NIN: variants seen among roughly 807,000 people sequenced by gnomAD.
NIN encodes the protein glycogen synthase kinase 3 beta-interacting protein.
A neutral mutation model predicts 257.6 loss-of-function variants in NIN; 137 were observed. That is an observed-to-expected ratio of 0.53 (90% CI 0.46 to 0.61). NIN has a LOEUF of 0.61. Ranked by LOEUF, NIN falls within the 20% of genes least tolerant of loss-of-function variation. NIN has a pLI of 0.00. For missense variants in NIN, 2,439 were observed against 2,501.2 expected (o/e 0.98, Z 0.53); for synonymous variants, 918 against 919.8 (o/e 1.00, Z 0.04).
Position 50,748,073 on chromosome 14 carries a change from C to A in NIN, c.4983G>T (p.Glu1661Asp). 1 of 1,613,758 alleles carries A rather than the reference C, an allele frequency of 6.2e-7. No individual in the cohort carries two copies. Among genetic ancestry groups the A allele is most frequent in the South Asian group, 1.1e-5 (1 of 91,066 alleles). Residue 1661 changes from glutamate (E) to aspartate (D), a missense_variant, in exon 22 of 31, where the codon GAG becomes GAT. Physicochemically the swap from Glu to Asp is conservative, Grantham distance 45 (BLOSUM62 2). Coordinates refer to ENST00000530997, the MANE Select transcript of NIN (RefSeq NM_020921.4). ...GGGTCTGTATTTTAACTTCAGAGAG[C>A]TCCGCCTCCAGAGAAGACACTAAAG... ...SSTLVSSLEA[E>D]LSEVKIQTHI...
At chr14:50,739,557 C>A in intron 25 of NIN, 70 bp from the exon 26 acceptor site, 5 of 1,440,220 alleles carry the variant, frequency 3.5e-6, no homozygotes, top group Non-Finnish European at 2.9e-6. Context: ...AGACAGGTGT[C>A]ATGTTTACCC....
chr14:50,754,951 A>G, intron 18 of NIN, 84 bp from the exon 19 acceptor site: 2 of 921,928 alleles, frequency 2.2e-6, no homozygotes, highest in Non-Finnish European at 3.3e-6. Context: ...TTCCAAAAGG[A>G]TGAGTATTCA....
intron 16 of NIN, 80 bp from the exon 17 acceptor site, chr14:50,760,439 T>G: frequency 9.1e-6 from 2 of 220,694 alleles, no homozygotes; most frequent in Non-Finnish European, 1.3e-5. Context: ...AGCAATTGCT[T>G]TTTTTTTTTT....
Position 50,759,977 on chromosome 14 carries a change from T to C in NIN, c.2279A>G (p.Gln760Arg), listed in dbSNP as rs567029521. ...WTEEKVRGLT[Q>R]ELEQFHQEQL... ...CTCCTGGTGAAACTGCTCTAGTTCCTGAGTCAAGCCTCTCACCTTCTCTTC... is the reference window on the plus strand; with the variant it reads ...CTCCTGGTGAAACTGCTCTAGTTCCCGAGTCAAGCCTCTCACCTTCTCTTC... The change falls in exon 17 of 31, where the codon CAG becomes CGG. Residue 760 changes from glutamine (Q) to arginine (R), a missense_variant. Transcript: ENST00000530997. The C allele has an allele frequency of 1.9e-6, 3 of 1,614,262 alleles. No individual in the cohort carries two copies. In the South Asian group the frequency reaches 3.3e-5, roughly 18 times the overall value.
chr14:50,798,479 G>A (rs1277558163), intron 4 of NIN, among the ~76,000 whole-genome samples: 1 of 152,150 alleles, frequency 6.6e-6, no homozygotes, highest in Non-Finnish European at 1.5e-5. Context: ...CTGACTGGAT[G>A]GTCTAAGTCC....
At chr14:50,752,453 AC>A in intron 21 of NIN, 64 bp downstream of exon 21, 1 of 1,246,472 alleles carries the variant, frequency 8.0e-7, no homozygotes, top group South Asian at 1.3e-5. Flanking sequence ...GAAGTTTAAT[AC>A]AAACATTTCT....
Position 50,757,987 on chromosome 14 carries a change from G to A in NIN, c.3043C>T (p.Leu1015Phe). The A allele has an allele frequency of 6.2e-7, 1 of 1,614,194 alleles. No individual in the cohort carries two copies. The highest frequency in any genetic ancestry group is 1.1e-5 in the South Asian group (1 of 91,082). Residue 1015 changes from leucine (L) to phenylalanine (F), a missense_variant, in exon 18 of 31, where the codon CTT becomes TTT. By Grantham distance (22) the Leu-to-Phe change is conservative. This residue lies in a region of NIN where 2,043 missense variants were observed against 2,050.2 expected (regional missense o/e 1.00). Coordinates refer to ENST00000530997, the MANE Select transcript of NIN (RefSeq NM_020921.4). ...TGCATTTCCTTTATTTTACTCTGAA[G>A]TCTGGAGATTTCTGTGCTCATCTCG... ...RAEMSTEISR[L>F]QSKIKEMQQA... is the part of the protein sequence containing the mutation.
rs1376612942 is a variant in NIN, at chr14:50,748,007, C to T, written c.5049G>A (p.Leu1683=). The change falls in exon 22 of 31, where the codon CTG becomes CTA. Residue 1683 remains leucine, a synonymous_variant. Transcript: ENST00000530997. ...QQENHLLKDE[L]EKMKQLHRCP... ...ACAGCCTTACCTGTTTCATTTTCTCCAGTTCATCTTTGAGAAGGTGGTTTT... is the reference window on the plus strand; with the variant it reads ...ACAGCCTTACCTGTTTCATTTTCTCTAGTTCATCTTTGAGAAGGTGGTTTT... 1.9e-6 allele frequency: 3 copies of T among 1,611,624 alleles called. No homozygotes were observed. In the South Asian group the frequency reaches 3.3e-5, roughly 18 times the overall value.
At chr14:50,782,005 T>TA (rs576226518) in intron 5 of NIN, among the ~76,000 whole-genome samples, 181 of 141,316 alleles carry the variant, frequency 1.3e-3, no homozygotes, top group East Asian at 2.9e-3. Flanking sequence ...GCAACATAAT[T>TA]AAAAAAAAAA....
chr14:50,786,408 G>T (rs2141968521), intron 5 of NIN, among the ~76,000 whole-genome samples: 1 of 152,174 alleles, frequency 6.6e-6, no homozygotes, highest in South Asian at 2.1e-4. Flanking sequence ...GGTGGGGTCT[G>T]GTCTCCAAGA....
At position 50,725,966 on chromosome 14, in the gene NIN, T is replaced by C. The variant is rs763970819; in HGVS notation, c.6179A>G (p.Gln2060Arg). ...VKRLLQEKVN[Q>R]LKEQLCKNTK... is the part of the protein sequence containing the mutation. ...GGGTAGGCTCACTTGTTCTTTGAGC[T>C]GATTCACTTTCTCTTGAAGAAGCCT... The change falls in exon 30 of 31, where the codon CAG becomes CGG. Residue 2060 changes from glutamine to arginine, a missense_variant. This residue lies in a region of NIN where 2,043 missense variants were observed against 2,050.2 expected (regional missense o/e 1.00). Coordinates refer to ENST00000530997, the MANE Select transcript of NIN (RefSeq NM_020921.4). 1.1e-5 allele frequency: 17 copies of C among 1,614,144 alleles called. No homozygotes were observed. The Admixed American group carries it at 2.8e-4, about 27-fold the overall frequency.
intron 2 of NIN, among the ~76,000 whole-genome samples, chr14:50,826,673 C>T (rs751093253): frequency 1.1e-4 from 16 of 152,068 alleles, no homozygotes; most frequent in Non-Finnish European, 2.2e-4. Context: ...CTAAAGGGGA[C>T]GTCTGTTCTG....
intron 14 of NIN, 70 bp downstream of exon 14, chr14:50,766,236 CT>C (rs1484863856): frequency 8.7e-7 from 1 of 1,142,908 alleles, no homozygotes; most frequent in Non-Finnish European, 1.3e-6. Context: ...GGTCACAGAG[CT>C]AGGGAACGGG....
chr14:50,763,081 A>G (rs2042334559), intron 15 of NIN, among the ~76,000 whole-genome samples: 1 of 152,176 alleles, frequency 6.6e-6, no homozygotes, highest in African/African-American at 2.4e-5. Context: ...CCAATCTGTT[A>G]ATTATTCTGC....
chr14:50,807,154 T>G (rs1327838556), intron 3 of NIN, among the ~76,000 whole-genome samples: 1 of 152,244 alleles, frequency 6.6e-6, no homozygotes, highest in Non-Finnish European at 1.5e-5. Context: ...GACGTTAGGC[T>G]AGACATTAGA....
chr14:50,800,091 C>T, intron 4 of NIN, among the ~76,000 whole-genome samples: 1 of 151,940 alleles, frequency 6.6e-6, no homozygotes, highest in Non-Finnish European at 1.5e-5. Context: ...CTCACCAGCC[C>T]TATTTATTTA....
At chr14:50,804,506 C>G (rs558706411) in intron 4 of NIN, among the ~76,000 whole-genome samples, 13 of 152,308 alleles carry the variant, frequency 8.5e-5, no homozygotes, top group Non-Finnish European at 1.2e-4. Flanking sequence ...TACTGCCTAC[C>G]CAAAGGATGG....
At chr14:50,755,367 T>C (rs1223580921) in intron 18 of NIN, among the ~76,000 whole-genome samples, 1 of 152,212 alleles carries the variant, frequency 6.6e-6, no homozygotes, top group Non-Finnish European at 1.5e-5. Flanking sequence ...CATTATATTC[T>C]GATTTTTAGG....
intron 3 of NIN, among the ~76,000 whole-genome samples, chr14:50,814,972 T>C (rs572361237): frequency 1.3e-5 from 2 of 152,344 alleles, no homozygotes; most frequent in East Asian, 3.9e-4. Flanking sequence ...ATTCAGGACA[T>C]AGGCATGGGC....
Sources: gnomAD v4.1 joint callset for allele counts (sites outside exome capture counted in the v4.1 genomes callset) on GRCh38, gnomAD v4.1.1 for gene constraint, gnomAD v4.1.1 regional missense constraint, MANE v1.5 for transcripts, NCBI Gene and HGNC (gene_info 2026-07-23, HGNC 2026-07-21) for gene names.